SULF2: variants seen among roughly 807,000 people sequenced by gnomAD.
SULF2 encodes sulfatase 2, also known as extracellular sulfatase Sulf-2.
In SULF2, 52 loss-of-function variants were observed where a neutral mutation model predicts 107.7. The ratio of observed to expected loss-of-function variants is 0.48; its 90% CI spans 0.39 to 0.61. The LOEUF (loss-of-function observed/expected upper bound fraction) is 0.61. Among genes scored for constraint, SULF2 ranks in the 20% least tolerant of loss-of-function variants. The probability of loss-of-function intolerance (pLI) is 0.00; values close to 1 mark genes in which losing one functional copy is unlikely to be tolerated. For synonymous variants in SULF2, 460 were observed against 464.3 expected, an observed-to-expected ratio of 0.99 and a Z score of 0.12; for missense variants, 993 against 1,177.3, an observed-to-expected ratio of 0.84 and a Z score of 2.29.
chr20:47,706,434 GTC>G (rs2088740178), intron 3 of SULF2: 1 of 152,164 alleles, frequency 6.6e-6, no homozygotes, highest in African/African-American at 2.4e-5. Flanking sequence ...GGGTCAAAGG[GTC>G]TCTGTGACAA....
chr20:47,682,891 A>T, intron 7 of SULF2, 103 bp downstream of exon 7: 1 of 1,234,628 alleles, frequency 8.1e-7, no homozygotes, highest in Non-Finnish European at 1.1e-6. Flanking sequence ...ACATCTGCGA[A>T]AACTGTGTGC....
chr20:47,743,184 G>A (rs1186980905), intron 2 of SULF2, among the ~76,000 whole-genome samples: 2 of 152,090 alleles, frequency 1.3e-5, no homozygotes, highest in Non-Finnish European at 2.9e-5. Flanking sequence ...GAAGAATGGG[G>A]CAGGGAGAAA....
chr20:47,660,951 C>T (rs2087045620), intron 18 of SULF2, among the ~76,000 whole-genome samples: 1 of 152,118 alleles, frequency 6.6e-6, no homozygotes, highest in Non-Finnish European at 1.5e-5. Flanking sequence ...TTACTGCTCC[C>T]ACCTCTAGTC....
At chr20:47,677,886 A>C (rs1038712819) in intron 8 of SULF2, 2 of 152,452 alleles carry the variant, frequency 1.3e-5, no homozygotes, top group Admixed American at 6.5e-5. Context: ...GGGCAGCCAG[A>C]TGTGGGCACA....
intron 2 of SULF2, among the ~76,000 whole-genome samples, chr20:47,756,670 G>C (rs1184248782): frequency 1.5e-5 from 2 of 136,230 alleles, no homozygotes; most frequent in African/African-American, 2.8e-5. Flanking sequence ...TTTTGAGACA[G>C]AGTCTCACTC....
Position 47,702,138 on chromosome 20 carries a change from G to C in SULF2, c.567+381C>G, listed in dbSNP as rs113938265. Among the ~76,000 whole-genome samples, 1,486 of 152,280 alleles carry C rather than the reference G, an allele frequency of 9.8e-3. 30 individuals carry two copies. Among genetic ancestry groups the C allele is most frequent in the African/African-American group, 0.035 (1,437 of 41,548 alleles). ...AGTGGGAAGATCCTGGCTCACTGCA[G>C]CCTCAAACTCCCGGGCTTAAGCAAT... On this transcript the variant is annotated intron_variant, in intron 4 of 20. Coordinates refer to ENST00000688720, the MANE Select transcript of SULF2 (RefSeq NM_001387048.1).
At chr20:47,663,913 T>G (rs2087174914) in intron 15 of SULF2, among the ~76,000 whole-genome samples, 1 of 152,178 alleles carries the variant, frequency 6.6e-6, no homozygotes, top group South Asian at 2.1e-4. Flanking sequence ...TGTCCTGCCC[T>G]GCTTGGTGGA....
At chr20:47,692,998 T>C (rs1007168414) in intron 4 of SULF2, among the ~76,000 whole-genome samples, 3 of 152,198 alleles carry the variant, frequency 2.0e-5, no homozygotes, top group African/African-American at 7.2e-5. Context: ...AAAATGCTGA[T>C]TGAAGACTGG....
chr20:47,674,298 T>C (rs1173773199), intron 10 of SULF2, among the ~76,000 whole-genome samples: 2 of 152,198 alleles, frequency 1.3e-5, no homozygotes, highest in African/African-American at 4.8e-5. Context: ...CAGTGTCGGC[T>C]TGACTTGGGG....
intron 2 of SULF2, among the ~76,000 whole-genome samples, chr20:47,756,110 T>C (rs148199215): frequency 1.3e-5 from 2 of 152,324 alleles, no homozygotes; most frequent in African/African-American, 4.8e-5. Context: ...AGCATGACTA[T>C]AGCCGAAACA....
chr20:47,738,030 C>T (rs1371521379), intron 2 of SULF2, among the ~76,000 whole-genome samples: 1 of 151,864 alleles, frequency 6.6e-6, no homozygotes, highest in Non-Finnish European at 1.5e-5. Context: ...AGTCATGAAC[C>T]ACCTTGCCTG....
intron 2 of SULF2, among the ~76,000 whole-genome samples, chr20:47,755,162 A>G (rs1477888863): frequency 2.0e-5 from 3 of 152,220 alleles, no homozygotes; most frequent in African/African-American, 4.8e-5. Flanking sequence ...CTAGCTGTGC[A>G]AACTTGGACA....
rs769344479 is a variant in SULF2 at position 47,736,691 on chromosome 20, G to A, written c.415+12C>T. 15 of 1,613,916 alleles carry A rather than the reference G, an allele frequency of 9.3e-6. No individual in the cohort carries two copies. Among genetic ancestry groups the A allele is most frequent in the African/African-American group, 2.7e-5 (2 of 74,926 alleles). On this transcript the variant is annotated intron_variant, in intron 3 of 20. Coordinates refer to ENST00000688720, the MANE Select transcript of SULF2 (RefSeq NM_001387048.1). Reference sequence around the variant, plus strand: ...TCACTCCCTTCCTGCACCTGCCCCCGTCCCTGCTCACCTGTCCGGTAGCCA... The same window carrying A: ...TCACTCCCTTCCTGCACCTGCCCCCATCCCTGCTCACCTGTCCGGTAGCCA...
intron 3 of SULF2, among the ~76,000 whole-genome samples, chr20:47,704,273 G>A (rs1312511410): frequency 7.6e-6 from 1 of 132,348 alleles, no homozygotes; most frequent in Admixed American, 7.9e-5. Flanking sequence ...TATTTTGCAT[G>A]TACATTTTTT....
rs138352045 is a variant in SULF2 at position 47,680,703 on chromosome 20, T to C, written c.1065-1899A>G. On this transcript the variant is annotated intron_variant, in intron 7 of 20. Coordinates refer to ENST00000688720, the MANE Select transcript of SULF2 (RefSeq NM_001387048.1). This position sits in a 1 kb window ranked among gnomAD's most constrained non-coding sequence, Gnocchi z 4.2. ...GAAGGCCAGCGTGAGGCGCTACAAC[T>C]GAATCCAGAGGCGAGGGAGCTGGGA... Among the ~76,000 whole-genome samples, 442 of 152,300 alleles carry C rather than the reference T, an allele frequency of 2.9e-3. 2 individuals carry two copies. The highest frequency in any genetic ancestry group is 9.9e-3 in the African/African-American group (411 of 41,554).
intron 5 of SULF2, 101 bp downstream of exon 5, chr20:47,690,025 A>C: frequency 8.8e-7 from 1 of 1,139,112 alleles, no homozygotes; most frequent in Non-Finnish European, 1.1e-6. Flanking sequence ...ATTAGAGAGG[A>C]GGCACAGTGA....
In SULF2 at chr20:47,731,187, C is replaced by CTTTTTTT. The variant is rs71183273; in HGVS notation, c.415+5509_415+5515dup. Among the ~76,000 whole-genome samples, 247 of 81,126 alleles carry CTTTTTTT rather than the reference C, an allele frequency of 3.0e-3. 7 individuals carry two copies. The highest frequency in any genetic ancestry group is 0.01 in the African/African-American group (164 of 16,050). 53.2% of individuals were successfully genotyped at this position (81,126 alleles called of 152,430 possible). A position where few individuals can be genotyped will look rare whatever the true frequency, so the allele number is the denominator to read the frequency against. The stretch of plus-strand genomic sequence containing the variant: ...TGCCTGCTACTCACCTGTATCTTCT[C>CTTTTTTT]TTTTTTTTTTTTTTTTTTTTTTTGA... On this transcript the variant is annotated intron_variant, in intron 3 of 20. Transcript: ENST00000688720.
At chr20:47,763,471 G>C (rs1352014588) in intron 1 of SULF2, among the ~76,000 whole-genome samples, 1 of 152,204 alleles carries the variant, frequency 6.6e-6, no homozygotes, top group Non-Finnish European at 1.5e-5. Context: ...AACAAGAGGA[G>C]GAGAGAGAAG....
chr20:47,659,030 G>A (rs895021894), intron 20 of SULF2, among the ~76,000 whole-genome samples: 2 of 152,112 alleles, frequency 1.3e-5, no homozygotes, highest in Admixed American at 1.3e-4. Context: ...TGGGCTTTTT[G>A]GAAACCATTT....
Sources: gnomAD v4.1 joint callset for allele counts (sites outside exome capture counted in the v4.1 genomes callset) on GRCh38, gnomAD v4.1.1 for gene constraint, Gnocchi (gnomAD v3.1) non-coding constraint, MANE v1.5 for transcripts, NCBI Gene and HGNC (gene_info 2026-07-23, HGNC 2026-07-21) for gene names.